The following PHF2 variants were observed in gnomAD, a reference collection of about 807,000 sequenced individuals.
PHF2 encodes the protein lysine-specific demethylase PHF2.
In PHF2, 27 loss-of-function variants were observed where a neutral mutation model predicts 120.5. The observed-to-expected ratio is 0.22, with a 90% CI of 0.17 to 0.31. PHF2 has a LOEUF of 0.31. Ranked by LOEUF, PHF2 falls within the 10% of genes least tolerant of loss-of-function variation. PHF2 has a pLI of 1.00. For synonymous variants in PHF2, 568 were observed against 592.5 expected, an observed-to-expected ratio of 0.96 and a Z score of 0.60; for missense variants, 1,024 against 1,434.8, an observed-to-expected ratio of 0.71 and a Z score of 4.63.
chr9:93,603,941 C>T (rs989758635), intron 1 of PHF2, among the ~76,000 whole-genome samples: 5 of 152,230 alleles, frequency 3.3e-5, no homozygotes, highest in Non-Finnish European at 7.3e-5. Context: ...ACCTCCAGAT[C>T]CCCCAGCCTG....
chr9:93,577,176 C>CCCGGG (rs1334120200), intron 1 of PHF2, among the ~76,000 whole-genome samples: 5 of 150,276 alleles, frequency 3.3e-5, no homozygotes, highest in Admixed American at 2.0e-4. Flanking sequence ...GGGCTCCAGG[C>CCCGGG]CCGGGCCGGG....
chr9:93,616,844 C>T (rs529769057), intron 1 of PHF2, among the ~76,000 whole-genome samples: 152 of 152,082 alleles, frequency 1.0e-3, no homozygotes, highest in Non-Finnish European at 1.6e-3. Context: ...TTAGTAGAGA[C>T]GGGGTTTCTC....
At chr9:93,674,616 C>G (rs562590962) in intron 18 of PHF2, among the ~76,000 whole-genome samples, 66 of 152,276 alleles carry the variant, frequency 4.3e-4, no homozygotes, top group African/African-American at 1.4e-3. Context: ...GGAGGGCAGC[C>G]CTTAGAGGCC....
intron 1 of PHF2, among the ~76,000 whole-genome samples, chr9:93,618,864 C>CTGTGTCTGCATGTGTGTGGTGT: frequency 1.0e-3 from 2 of 1,956 alleles, no homozygotes; most frequent in Admixed American, 4.2e-3. Context: ...GTGTGGTGTT[C>CTGTGTCTGCATGTGTGTGGTGT]GTGTGTCTCT....
At chr9:93,579,791 G>A (rs1428687063) in intron 1 of PHF2, among the ~76,000 whole-genome samples, 5 of 152,204 alleles carry the variant, frequency 3.3e-5, no homozygotes, top group African/African-American at 9.6e-5. Context: ...AGCTACAGTC[G>A]CGGTGGCTGC....
chr9:93,641,409 T>A (rs1826170728), intron 3 of PHF2, among the ~76,000 whole-genome samples: 1 of 152,256 alleles, frequency 6.6e-6, no homozygotes, highest in Non-Finnish European at 1.5e-5. Context: ...CAGCTTCCGC[T>A]TCAGGTAAGG....
intron 5 of PHF2, among the ~76,000 whole-genome samples, chr9:93,650,478 C>G (rs1402598908): frequency 2.6e-5 from 4 of 152,232 alleles, no homozygotes; most frequent in Non-Finnish European, 4.4e-5. Context: ...CTGCTGTGAC[C>G]TGCCTCCCTG....
At chr9:93,601,891 A>G (rs1247696071) in intron 1 of PHF2, among the ~76,000 whole-genome samples, 8 of 127,742 alleles carry the variant, frequency 6.3e-5, no homozygotes, top group African/African-American at 2.4e-4. Flanking sequence ...GTGAGTGTGC[A>G]GGTTTTCTCA....
chr9:93,661,423 G>A (rs1826562580), intron 12 of PHF2, among the ~76,000 whole-genome samples: 1 of 152,196 alleles, frequency 6.6e-6, no homozygotes, highest in South Asian at 2.1e-4. Context: ...GAATGAATAG[G>A]TGGATGAATG....
intron 1 of PHF2, among the ~76,000 whole-genome samples, chr9:93,618,816 C>T (rs369970049): frequency 1.1e-4 from 1 of 8,890 alleles, no homozygotes; most frequent in African/African-American, 4.7e-4. Context: ...ATGAGGGTGT[C>T]TGCATGTGTG....
Position 93,660,361 on chromosome 9 carries a change from C to G in PHF2, c.1499C>G (p.Pro500Arg). 1.3e-6 allele frequency: 2 copies of G among 1,587,826 alleles called. No homozygotes were observed. The highest frequency in any genetic ancestry group is 1.7e-6 in the Non-Finnish European group (2 of 1,166,844). The stretch of plus-strand genomic sequence containing the variant: ...AAGACTCCCAAAACTGTGAAGATGC[C>G]CAAGCCATCCAAAATCCCCAAGCCC... Reference protein sequence around the residue: ...KKKTPKTVKMPKPSKIPKPPK... With the variant: ...KKKTPKTVKMRKPSKIPKPPK... The change falls in exon 12 of 22, where the codon CCC (proline) becomes CGC (arginine). Residue 500 changes from proline to arginine, a missense_variant. Pro to Arg is a moderately radical substitution (Grantham distance 103). This residue lies in a region of PHF2 where 677 missense variants were observed against 857.4 expected (regional missense o/e 0.79). Transcript: ENST00000359246.
chr9:93,584,081 GC>G (rs1862987839), intron 1 of PHF2, among the ~76,000 whole-genome samples: 2 of 152,102 alleles, frequency 1.3e-5, no homozygotes, highest in Non-Finnish European at 2.9e-5. Flanking sequence ...TCCTGCCTTG[GC>G]CTCCCAAAGT....
chr9:93,673,028 G>T (rs1348244221), intron 17 of PHF2, among the ~76,000 whole-genome samples: 1 of 151,842 alleles, frequency 6.6e-6, no homozygotes, highest in Non-Finnish European at 1.5e-5. Context: ...AGGTGGGGGT[G>T]TGGAGAGAAG....
chr9:93,654,359 C>T, intron 6 of PHF2, 54 bp from the exon 7 acceptor site: 1 of 1,578,426 alleles, frequency 6.3e-7, no homozygotes, highest in Non-Finnish European at 8.7e-7. Flanking sequence ...TCACTTGCAC[C>T]CCCGACCCCC....
intron 1 of PHF2, among the ~76,000 whole-genome samples, chr9:93,592,287 C>G (rs1195229412): frequency 1.3e-5 from 2 of 152,170 alleles, no homozygotes; most frequent in African/African-American, 4.8e-5. Context: ...CTGGTCCCCA[C>G]TGTGGGAGCA....
chr9:93,658,450 A>G (rs1826498963), intron 10 of PHF2, among the ~76,000 whole-genome samples: 1 of 152,056 alleles, frequency 6.6e-6, no homozygotes, highest in South Asian at 2.1e-4. Flanking sequence ...TGATTGGGCC[A>G]CCTGAGGGCT....
rs924808748 is a variant in PHF2, at chr9:93,583,651, A to C, written c.98+6780A>C. Among the ~76,000 whole-genome samples the C allele has an allele frequency of 5.3e-5, 8 of 151,892 alleles. No homozygotes were observed. The East Asian group carries it at 1.5e-3, about 29-fold the overall frequency. Reference sequence around the variant, plus strand: ...TTATGTTTTTGGCTAGCATTTCTCTACTGACCAATGATGTTGAACAGCTTT... The same window carrying C: ...TTATGTTTTTGGCTAGCATTTCTCTCCTGACCAATGATGTTGAACAGCTTT... On this transcript the variant is annotated intron_variant, in intron 1 of 21. Transcript: ENST00000359246.
rs185008057 is a variant in PHF2 at position 93,590,614 on chromosome 9, A to C, written c.98+13743A>C. On this transcript the variant is annotated intron_variant, in intron 1 of 21. Coordinates refer to ENST00000359246, the MANE Select transcript of PHF2 (RefSeq NM_005392.4). ...TTAGAATTGTTTTAGATTTACAGAA[A>C]AGTTGTAAACATGGTACCAAGCATC... Among the ~76,000 whole-genome samples, 3 of 152,378 alleles carry C rather than the reference A, an allele frequency of 2.0e-5. No individual in the cohort carries two copies. The East Asian group carries it at 5.8e-4, about 29-fold the overall frequency.
At chr9:93,651,909 T>C (rs1214334117) in intron 5 of PHF2, among the ~76,000 whole-genome samples, 1 of 152,156 alleles carries the variant, frequency 6.6e-6, no homozygotes, top group African/African-American at 2.4e-5. Context: ...AGGGCCCTTG[T>C]GGCAGGGAAC....
Sources: allele counts gnomAD v4.1 joint callset (sites outside exome capture counted in the v4.1 genomes callset), GRCh38; gene constraint gnomAD v4.1.1; regional missense constraint gnomAD v4.1.1; transcripts MANE v1.5; gene names NCBI Gene and HGNC (gene_info 2026-07-23, HGNC 2026-07-21).